Variants in GNAT3 observed in about 807,000 individuals in gnomAD.
GNAT3 encodes the protein guanine nucleotide-binding protein G(t) subunit alpha-3.
In GNAT3, 31 loss-of-function variants were observed where a neutral mutation model predicts 37.7. The ratio of observed to expected loss-of-function variants is 0.82; its 90% CI spans 0.62 to 1.11. The LOEUF (loss-of-function observed/expected upper bound fraction) is 1.11. GNAT3 is among the 50% of genes most tolerant of loss of function. The pLI, the probability that GNAT3 is intolerant of heterozygous loss-of-function variation, is 0.00. For synonymous variants in GNAT3, 138 were observed against 139.8 expected (o/e 0.99, Z 0.09); for missense variants, 437 against 412.5 (o/e 1.06, Z -0.51).
chr7:80,508,249 G>T, intron 1 of GNAT3, among the ~76,000 whole-genome samples: 1 of 151,150 alleles, frequency 6.6e-6, no homozygotes, highest in Middle Eastern at 3.4e-3. Flanking sequence ...TCAAATCTAA[G>T]CAGCCCATGT....
At chr7:80,473,028 C>A (rs950725399) in intron 5 of GNAT3, among the ~76,000 whole-genome samples, 2 of 152,090 alleles carry the variant, frequency 1.3e-5, no homozygotes, top group African/African-American at 4.8e-5. Context: ...GGGGGAGAAA[C>A]AACTGGACTC....
intron 4 of GNAT3, among the ~76,000 whole-genome samples, chr7:80,475,700 T>A (rs1360771823): frequency 6.6e-6 from 1 of 152,138 alleles, no homozygotes. Context: ...AAAACAAAAT[T>A]ATTTTATTAG....
intron 1 of GNAT3, among the ~76,000 whole-genome samples, chr7:80,505,660 C>G (rs1790924249): frequency 6.6e-6 from 1 of 152,290 alleles, no homozygotes; most frequent in Admixed American, 6.5e-5. Context: ...GCCACTGCGC[C>G]TGGCAGAGAG....
chr7:80,505,428 A>C (rs912353220), intron 1 of GNAT3, among the ~76,000 whole-genome samples: 2 of 152,132 alleles, frequency 1.3e-5, no homozygotes, highest in African/African-American at 2.4e-5. Flanking sequence ...GTGCAGTGGC[A>C]CAATCTCGGC....
At chr7:80,467,595 A>G (rs1249478421) in intron 5 of GNAT3, among the ~76,000 whole-genome samples, 2 of 152,116 alleles carry the variant, frequency 1.3e-5, no homozygotes, top group African/African-American at 2.4e-5. Context: ...ATGGAATTGT[A>G]AAGTATTACT....
chr7:80,475,593 G>A (rs989531832), intron 4 of GNAT3, among the ~76,000 whole-genome samples: 5 of 151,836 alleles, frequency 3.3e-5, no homozygotes, highest in African/African-American at 1.2e-4. Context: ...AATTTGTGAG[G>A]TAGAATCCAG....
At chr7:80,502,142 A>G (rs1388334040) in intron 1 of GNAT3, among the ~76,000 whole-genome samples, 2 of 152,088 alleles carry the variant, frequency 1.3e-5, no homozygotes, top group African/African-American at 4.8e-5. Context: ...GTGACAATAA[A>G]TAAGAGGACA....
intron 3 of GNAT3, among the ~76,000 whole-genome samples, chr7:80,488,071 A>T (rs548520886): frequency 6.6e-6 from 1 of 152,102 alleles, no homozygotes; most frequent in East Asian, 1.9e-4. Context: ...TTCTTTTTTA[A>T]AAAAAAACTT....
Position 80,474,388 on chromosome 7 carries a change from GACAAA to G in GNAT3, c.462-14_462-10del, listed in dbSNP as rs528173828. The G allele has an allele frequency of 6.0e-5, 87 of 1,447,332 alleles. No homozygotes were observed. The highest frequency in any genetic ancestry group is 8.2e-5 in the Non-Finnish European group (87 of 1,062,054). 89.7% of individuals were successfully genotyped at this position (1,447,332 alleles called of 1,614,324 possible). ...CTAAATCATTAAGGTAGCTAATAAA[GACAAA>G]ACAAAATTATATATGTGTATATATA... On this transcript the variant is annotated splice_polypyrimidine_tract_variant and intron_variant, in intron 4 of 7. Coordinates refer to ENST00000398291, the MANE Select transcript of GNAT3 (RefSeq NM_001102386.3).
intron 2 of GNAT3, among the ~76,000 whole-genome samples, chr7:80,493,638 TCCTCCTCCTCCTC>T (rs1790641646): frequency 1.1e-5 from 1 of 94,722 alleles, no homozygotes; most frequent in Non-Finnish European, 2.0e-5. Flanking sequence ...TCCTCCTCTT[TCCTCCTCCTCCTC>T]CTCTTTCCTC....
Position 80,462,316 on chromosome 7 carries a change from T to G in GNAT3, c.721-4A>C. On this transcript the variant is annotated splice_polypyrimidine_tract_variant and splice_region_variant and intron_variant, in intron 6 of 7. Coordinates refer to ENST00000398291, the MANE Select transcript of GNAT3 (RefSeq NM_001102386.3). ...GAAGGCTTTCATGCATTCTATTCTG[T>G]TAGGTATCAGAAATGAGAATGGGTA... The G allele has an allele frequency of 6.2e-7, 1 of 1,610,998 alleles. No homozygotes were observed. Among genetic ancestry groups the G allele is most frequent in the Non-Finnish European group, 8.5e-7 (1 of 1,177,956 alleles).
At chr7:80,499,080 T>A (rs1334980285) in intron 1 of GNAT3, among the ~76,000 whole-genome samples, 2 of 151,448 alleles carry the variant, frequency 1.3e-5, no homozygotes, top group Non-Finnish European at 2.9e-5. Flanking sequence ...ACACATAAGA[T>A]TTTTTTTTGT....
intron 4 of GNAT3, among the ~76,000 whole-genome samples, chr7:80,474,766 A>T (rs1192816560): frequency 6.6e-6 from 1 of 152,108 alleles, no homozygotes; most frequent in Non-Finnish European, 1.5e-5. Flanking sequence ...AGGAGTATGA[A>T]AGAAAATTTC....
At chr7:80,506,355 G>A (rs747684758) in intron 1 of GNAT3, among the ~76,000 whole-genome samples, 1 of 152,058 alleles carries the variant, frequency 6.6e-6, no homozygotes, top group African/African-American at 2.4e-5. Flanking sequence ...AGTGCCTTAC[G>A]AGCCTGCTTT....
At chr7:80,476,444 C>CT (rs1338824787) in intron 4 of GNAT3, among the ~76,000 whole-genome samples, 1 of 146,676 alleles carries the variant, frequency 6.8e-6, no homozygotes, top group African/African-American at 2.5e-5. Flanking sequence ...CACTAGATGG[C>CT]TGCAATTAGC....
At chr7:80,492,322 C>T (rs547092588) in intron 2 of GNAT3, among the ~76,000 whole-genome samples, 1 of 151,606 alleles carries the variant, frequency 6.6e-6, no homozygotes. Context: ...CCAGCCTAGG[C>T]GACAGAGCGA....
intron 7 of GNAT3, among the ~76,000 whole-genome samples, 183 bp downstream of exon 7, chr7:80,461,976 T>C (rs1790057800): frequency 6.6e-6 from 1 of 152,184 alleles, no homozygotes. Context: ...TTTGCTTTAA[T>C]GTACACAATG....
At chr7:80,485,855 C>T (rs1790469558) in intron 3 of GNAT3, among the ~76,000 whole-genome samples, 1 of 151,942 alleles carries the variant, frequency 6.6e-6, no homozygotes, top group Non-Finnish European at 1.5e-5. Flanking sequence ...CATTGTAACT[C>T]AAGGAGGAAA....
chr7:80,471,397 C>T (rs1163000821), intron 5 of GNAT3, among the ~76,000 whole-genome samples: 5 of 151,712 alleles, frequency 3.3e-5, no homozygotes, highest in African/African-American at 9.7e-5. Flanking sequence ...CCACCACATA[C>T]TCATAATTTT....
Sources: gnomAD v4.1 joint callset for allele counts (sites outside exome capture counted in the v4.1 genomes callset) on GRCh38, gnomAD v4.1.1 for gene constraint, MANE v1.5 for transcripts, NCBI Gene and HGNC (gene_info 2026-07-23, HGNC 2026-07-21) for gene names.